Variants in ZNF638 observed in about 807,000 individuals in gnomAD.
The protein encoded by ZNF638 is zinc finger protein 638.
In ZNF638, 46 loss-of-function variants were observed where a neutral mutation model predicts 195.6. The observed-to-expected ratio is 0.24, with a 90% CI of 0.19 to 0.30. The LOEUF (loss-of-function observed/expected upper bound fraction) is 0.30, where lower values mean the gene tolerates loss of function less well. ZNF638 is among the 10% of genes least tolerant of loss of function. ZNF638 has a pLI of 1.00. For missense variants in ZNF638, 2,440 were observed against 2,325.3 expected (o/e 1.05, Z -1.01); for synonymous variants, 845 against 772.0 (o/e 1.09, Z -1.57).
chr2:71,371,788 T>C (rs1308498470), intron 8 of ZNF638, among the ~76,000 whole-genome samples: 1 of 152,114 alleles, frequency 6.6e-6, no homozygotes, highest in Non-Finnish European at 1.5e-5. Flanking sequence ...GTAAAGTGGC[T>C]TGAGTTCCTT....
At chr2:71,388,531 C>G (rs1274678164) in intron 10 of ZNF638, 2 of 718,238 alleles carry the variant, frequency 2.8e-6, no homozygotes, top group African/African-American at 1.7e-5. Flanking sequence ...GCTGCGTTCT[C>G]TCTTCGGCGT....
chr2:71,418,474 T>C lies in ZNF638; in HGVS notation c.3262-128T>C, dbSNP rs1405530926. On this transcript the variant is annotated intron_variant, in intron 20 of 27. Coordinates refer to ENST00000264447, the MANE Select transcript of ZNF638 (RefSeq NM_014497.5). Reference sequence around the variant, plus strand: ...TGATAGTAATGTAGACACTGAAAACTAGCTGCTTTGATACATTTTTAAGGT... The same window carrying C: ...TGATAGTAATGTAGACACTGAAAACCAGCTGCTTTGATACATTTTTAAGGT... 4 of 587,998 alleles carry C rather than the reference T, an allele frequency of 6.8e-6. No homozygotes were observed. The Admixed American group carries it at 1.1e-4, about 16-fold the overall frequency. The allele number at this position is 587,998 out of a possible 1,614,324, so 36.4% of individuals were successfully genotyped here.
At position 71,369,945 on chromosome 2, in the gene ZNF638, A is replaced by T; in HGVS notation, c.2205A>T (p.Thr735=). The T allele has an allele frequency of 1.9e-6, 3 of 1,599,996 alleles. No homozygotes were observed. The South Asian group carries it at 3.4e-5, about 18-fold the overall frequency. ...ITAIMKYIET[T]PLTIKGKSVK... is the part of the protein sequence containing the mutation. ...CAATTATGAAGTACATTGAAACAAC[A>T]CCTCTTACGATAAAAGGAAAAAGTG... The change falls in exon 8 of 28, where the codon ACA becomes ACT. Residue 735 remains threonine, a synonymous_variant. Coordinates refer to ENST00000264447, the MANE Select transcript of ZNF638 (RefSeq NM_014497.5).
intron 1 of ZNF638, among the ~76,000 whole-genome samples, chr2:71,343,640 C>T (rs887053517): frequency 6.6e-6 from 1 of 152,110 alleles, no homozygotes; most frequent in Non-Finnish European, 1.5e-5. Context: ...GTCTCCTAAC[C>T]ATGTGAATTG....
At chr2:71,337,374 A>G (rs1204901506) in intron 1 of ZNF638, among the ~76,000 whole-genome samples, 2 of 152,060 alleles carry the variant, frequency 1.3e-5, no homozygotes, top group Non-Finnish European at 2.9e-5. Flanking sequence ...TTTCTTTCAC[A>G]GTCATAGTTA....
chr2:71,420,086 T>C (rs1350462449), intron 21 of ZNF638, among the ~76,000 whole-genome samples: 1 of 150,410 alleles, frequency 6.6e-6, no homozygotes, highest in African/African-American at 2.5e-5. Flanking sequence ...AAATACTATT[T>C]GTTGTTTTTG....
chr2:71,395,105 C>T (rs1267418210), intron 10 of ZNF638: 10 of 611,956 alleles, frequency 1.6e-5, no homozygotes, highest in East Asian at 1.1e-4. Flanking sequence ...AATCCCTAAA[C>T]GCCATAGATC....
In ZNF638 at chr2:71,368,518, A is replaced by G; in HGVS notation, c.2132A>G (p.Tyr711Cys). The part of the protein sequence containing the change: ...GKVNDVLIVP[Y>C]RKEAYLEMEF... ...GTGAATGATGTCCTAATTGTTCCAT[A>G]TAGAAAAGAGGTGAGTCATTTAGTC... Residue 711 changes from tyrosine to cysteine, a missense_variant, in exon 7 of 28, where the codon TAT becomes TGT. Tyr to Cys is a radical substitution (Grantham distance 194). Coordinates refer to ENST00000264447, the MANE Select transcript of ZNF638 (RefSeq NM_014497.5). 4 of 1,611,906 alleles carry G rather than the reference A, an allele frequency of 2.5e-6. No homozygotes were observed. Among genetic ancestry groups the G allele is most frequent in the Non-Finnish European group, 2.5e-6 (3 of 1,179,398 alleles).
At position 71,406,261 on chromosome 2, in the gene ZNF638, A is replaced by G; in HGVS notation, c.3134A>G (p.Lys1045Arg). The change falls in exon 19 of 28, where the codon AAG becomes AGG. Residue 1045 changes from lysine to arginine, a missense_variant and splice_region_variant. Physicochemically the swap from Lys to Arg is conservative, Grantham distance 26 (BLOSUM62 2). This residue lies in a region of ZNF638 where 1,883 missense variants were observed against 1,739.1 expected (regional missense o/e 1.08). Coordinates refer to ENST00000264447, the MANE Select transcript of ZNF638 (RefSeq NM_014497.5). ...DHHVFISNRN[K>R]AILQLDSPES... is the part of the protein sequence containing the mutation. ...CATGTATTCATAAGTAATAGAAACA[A>G]GGTAACAAGTTCCCTCATAATTTAG... The G allele has an allele frequency of 6.2e-7, 1 of 1,610,520 alleles. No individual in the cohort carries two copies. The highest frequency in any genetic ancestry group is 2.2e-5 in the East Asian group (1 of 44,802).
intron 3 of ZNF638, among the ~76,000 whole-genome samples, chr2:71,359,415 G>T (rs562158813): frequency 6.6e-6 from 1 of 152,290 alleles, no homozygotes; most frequent in South Asian, 2.1e-4. Flanking sequence ...GGGAAGGAGG[G>T]GTGGAGAGAG....
intron 10 of ZNF638, among the ~76,000 whole-genome samples, chr2:71,391,373 A>C (rs569304706): frequency 5.2e-4 from 79 of 152,318 alleles, no homozygotes; most frequent in African/African-American, 1.9e-3. Context: ...GCAGCTTGCC[A>C]ATTTCATTGG....
At chr2:71,419,974 C>CTTTTTTTTTTT (rs58583336) in intron 21 of ZNF638, among the ~76,000 whole-genome samples, 5 of 27,034 alleles carry the variant, frequency 1.8e-4, no homozygotes, top group East Asian at 4.5e-3. Flanking sequence ...CCCCCCCCGC[C>CTTTTTTTTTTT]TTTTTTTTTT....
At chr2:71,422,720 C>A in intron 21 of ZNF638, 94 bp from the exon 22 acceptor site, 1 of 1,321,576 alleles carries the variant, frequency 7.6e-7, no homozygotes, top group Non-Finnish European at 1.0e-6. Flanking sequence ...TTGGCATCAG[C>A]AGGATTCTTT....
At position 71,397,895 on chromosome 2, in the gene ZNF638, G is replaced by A. The variant is rs565830639; in HGVS notation, c.2429-806G>A. 1.0e-3 allele frequency among the ~76,000 whole-genome samples: 154 copies of A among 152,316 alleles called. 1 individual carries two copies. The highest frequency in any genetic ancestry group is 3.6e-3 in the African/African-American group (149 of 41,572). On this transcript the variant is annotated intron_variant, in intron 11 of 27. Coordinates refer to ENST00000264447, the MANE Select transcript of ZNF638 (RefSeq NM_014497.5). Reference sequence around the variant, plus strand: ...AATTTAAATAGTACTGTACAGCTAGGAAACTGTAGGAATGAGTCAAAACAA... The same window carrying A: ...AATTTAAATAGTACTGTACAGCTAGAAAACTGTAGGAATGAGTCAAAACAA...
At chr2:71,390,886 A>G (rs1215131959) in intron 10 of ZNF638, among the ~76,000 whole-genome samples, 3 of 152,204 alleles carry the variant, frequency 2.0e-5, no homozygotes, top group Non-Finnish European at 1.5e-5. Context: ...TAGCAACTCT[A>G]AACATGACTG....
chr2:71,346,736 G>A (rs1573025260), intron 1 of ZNF638, among the ~76,000 whole-genome samples: 1 of 152,074 alleles, frequency 6.6e-6, no homozygotes, highest in East Asian at 1.9e-4. Flanking sequence ...ATAAATAAAG[G>A]TTATTGAATG....
Position 71,419,594 on chromosome 2 carries a change from A to T in ZNF638, c.3299+955A>T, listed in dbSNP as rs537137976. On this transcript the variant is annotated intron_variant, in intron 21 of 27. Coordinates refer to ENST00000264447, the MANE Select transcript of ZNF638 (RefSeq NM_014497.5). ...ATAGGTTTGCTCTGTGTGTCAGCACAGGGTTATTTAAGTTGTATGTCATAC... is the reference window on the plus strand; with the variant it reads ...ATAGGTTTGCTCTGTGTGTCAGCACTGGGTTATTTAAGTTGTATGTCATAC... Among the ~76,000 whole-genome samples the T allele has an allele frequency of 7.9e-5, 12 of 152,336 alleles. No individual in the cohort carries two copies. In the South Asian group the frequency reaches 2.3e-3, roughly 29 times the overall value.
chr2:71,433,554 T>C, intron 27 of ZNF638: 1 of 304,474 alleles, frequency 3.3e-6, no homozygotes, highest in Non-Finnish European at 6.1e-6. Flanking sequence ...CTGCATGTTT[T>C]GATGCCCTCT....
chr2:71,381,844 A>G (rs1004131719), intron 10 of ZNF638, among the ~76,000 whole-genome samples: 1 of 152,144 alleles, frequency 6.6e-6, no homozygotes, highest in Non-Finnish European at 1.5e-5. Flanking sequence ...AAGAGCTAGT[A>G]AAAATTGGTA....
Sources: allele counts gnomAD v4.1 joint callset (sites outside exome capture counted in the v4.1 genomes callset), GRCh38; gene constraint gnomAD v4.1.1; regional missense constraint gnomAD v4.1.1; transcripts MANE v1.5; gene names NCBI Gene and HGNC (gene_info 2026-07-23, HGNC 2026-07-21).